ZNF454: variants seen among roughly 807,000 people sequenced by gnomAD.
ZNF454 encodes the protein zinc finger protein 454.
In ZNF454, 30 loss-of-function variants were observed where a neutral mutation model predicts 48.2. That is an observed-to-expected ratio of 0.62 (90% CI 0.47 to 0.84). The LOEUF is 0.84. Ranked by LOEUF, ZNF454 falls within the 40% of genes least tolerant of loss-of-function variation. The pLI, the probability that ZNF454 is intolerant of heterozygous loss-of-function variation, is 0.00. For missense variants in ZNF454, 510 were observed against 623.1 expected (o/e 0.82, Z 1.93); for synonymous variants, 204 against 211.4 (o/e 0.97, Z 0.30).
At chr5:178,986,123 G>T in the ZNF454 span, 1 of 1,612,496 alleles carries the variant, frequency 6.2e-7, no homozygotes. Flanking sequence ...GGAGCCTACG[G>T]ACCCACCTGC....
chr5:178,984,813 G>A, the ZNF454 span, among the ~76,000 whole-genome samples: 1 of 152,130 alleles, frequency 6.6e-6, no homozygotes, highest in African/African-American at 2.4e-5. Flanking sequence ...CGCCGGGAGT[G>A]GACAGCACCG....
chr5:178,950,259 G>T (rs949700700), intron 4 of ZNF454, among the ~76,000 whole-genome samples: 1 of 152,316 alleles, frequency 6.6e-6, no homozygotes, highest in East Asian at 1.9e-4. Context: ...CATGAGCTAG[G>T]GGAAGGGGAG....
the ZNF454 span, chr5:178,985,504 C>A: frequency 3.8e-5 from 13 of 339,560 alleles, no homozygotes; most frequent in Admixed American, 2.4e-4. Flanking sequence ...GAGATCGAGA[C>A]CATCCTGGCT....
chr5:178,984,659 G>A, the ZNF454 span, among the ~76,000 whole-genome samples: 3 of 152,172 alleles, frequency 2.0e-5, no homozygotes, highest in African/African-American at 7.2e-5. Flanking sequence ...CACCTTCTCA[G>A]GATGTGCGGC....
intron 4 of ZNF454, among the ~76,000 whole-genome samples, chr5:178,961,092 G>A (rs10053392): frequency 0.51 from 77,466 of 150,944 alleles, 20,106 homozygotes; most frequent in Admixed American, 0.55. Flanking sequence ...CACTGCACCC[G>A]GCTAATTTTT....
chr5:178,976,373 T>A, the ZNF454 span, among the ~76,000 whole-genome samples: 9 of 152,342 alleles, frequency 5.9e-5, no homozygotes, highest in African/African-American at 2.2e-4. Flanking sequence ...AGTTCCTGTC[T>A]ATTTTGTCTG....
the ZNF454 span, among the ~76,000 whole-genome samples, chr5:178,982,513 C>T: frequency 7.9e-6 from 1 of 127,130 alleles, no homozygotes; most frequent in Admixed American, 1.0e-4. Context: ...GGAGGCGGAG[C>T]TTGCAGTGAG....
At chr5:178,960,922 C>T (rs924358099) in intron 4 of ZNF454, among the ~76,000 whole-genome samples, 3 of 147,136 alleles carry the variant, frequency 2.0e-5, no homozygotes, top group African/African-American at 7.5e-5. Flanking sequence ...TTTGTTCATC[C>T]AGTCTCACAA....
intron 4 of ZNF454, among the ~76,000 whole-genome samples, chr5:178,953,520 G>A (rs573818491): frequency 1.2e-4 from 18 of 152,132 alleles, no homozygotes; most frequent in Middle Eastern, 3.4e-3. Flanking sequence ...ATCCTTGGCC[G>A]TTCACTACGC....
At chr5:178,989,112 A>G in the ZNF454 span, 1 of 1,614,040 alleles carries the variant, frequency 6.2e-7, no homozygotes, top group Non-Finnish European at 8.5e-7. Flanking sequence ...TCGTAGGTGG[A>G]GTCCCGGCCG....
the ZNF454 span, chr5:178,981,868 GA>G: frequency 6.4e-7 from 1 of 1,551,348 alleles, no homozygotes; most frequent in Non-Finnish European, 8.9e-7. The surrounding 1 kb of genome is among the most constrained non-coding windows in gnomAD (Gnocchi z 5.1). Context: ...GGCCATGGAA[GA>G]GGGGACCAGA....
At chr5:178,985,687 A>C in the ZNF454 span, 29 of 402,880 alleles carry the variant, frequency 7.2e-5, no homozygotes, top group Middle Eastern at 3.9e-4. Context: ...TGGGCGACAC[A>C]GCGAGACTCT....
intron 4 of ZNF454, among the ~76,000 whole-genome samples, chr5:178,949,774 G>C (rs1012400550): frequency 1.3e-5 from 2 of 151,934 alleles, no homozygotes; most frequent in Non-Finnish European, 2.9e-5. Context: ...GCACCACCAT[G>C]CCCAGCTAAT....
the ZNF454 span, chr5:178,981,852 G>C: frequency 3.1e-6 from 5 of 1,603,660 alleles, no homozygotes; most frequent in Non-Finnish European, 8.5e-7. The surrounding 1 kb of genome is among the most constrained non-coding windows in gnomAD (Gnocchi z 5.1). Context: ...TCTGGATGTA[G>C]ATCTAGGCCA....
At chr5:178,983,522 C>A in the ZNF454 span, 1 of 596,780 alleles carries the variant, frequency 1.7e-6, no homozygotes, top group Non-Finnish European at 3.2e-6. Context: ...GCTTGGTGTC[C>A]TCTTCCTGCA....
intron 4 of ZNF454, among the ~76,000 whole-genome samples, chr5:178,964,411 C>T (rs1025706052): frequency 1.2e-4 from 19 of 152,172 alleles, no homozygotes; most frequent in African/African-American, 2.2e-4. Context: ...TGAGCCACAA[C>T]GCCCAGCCAC....
the ZNF454 span, chr5:178,989,466 GTC>G: frequency 6.2e-7 from 1 of 1,607,610 alleles, no homozygotes; most frequent in Non-Finnish European, 8.5e-7. Context: ...TTTCTCCTGT[GTC>G]TCTCTGCCAC....
chr5:178,983,289 G>A, the ZNF454 span: 1 of 1,357,654 alleles, frequency 7.4e-7, no homozygotes, highest in Non-Finnish European at 1.0e-6. Flanking sequence ...CCCTGACAGA[G>A]GCCCCTGCGG....
chr5:178,969,187 T>G (rs1760207358), downstream of ZNF454, among the ~76,000 whole-genome samples: 1 of 152,210 alleles, frequency 6.6e-6, no homozygotes, highest in South Asian at 2.1e-4. Flanking sequence ...GAGGGGACAC[T>G]GCCTGAGTCC....
Sources: gnomAD v4.1 joint callset for allele counts (sites outside exome capture counted in the v4.1 genomes callset) on GRCh38, gnomAD v4.1.1 for gene constraint, Gnocchi (gnomAD v3.1) non-coding constraint, MANE v1.5 for transcripts, NCBI Gene and HGNC (gene_info 2026-07-23, HGNC 2026-07-21) for gene names.